The following TEX11 variants were observed in gnomAD, a reference collection of about 807,000 sequenced individuals.
TEX11 encodes testis-expressed protein 11.
Under a neutral mutation model 84.4 loss-of-function variants are expected in TEX11, and 7 were observed. That is an observed-to-expected ratio of 0.08 (90% CI 0.05 to 0.16). The LOEUF is 0.16. TEX11 is among the 10% of genes least tolerant of loss of function. The probability of loss-of-function intolerance (pLI) is 1.00; values close to 1 mark genes in which losing one functional copy is unlikely to be tolerated. For synonymous variants in TEX11, 264 were observed against 222.8 expected (o/e 1.18, Z -1.64); for missense variants, 551 against 660.5 (o/e 0.83, Z 1.82).
chrX:70,697,258 G>C (rs891598573), intron 13 of TEX11, among the ~76,000 whole-genome samples: 5 of 111,684 alleles, frequency 4.5e-5, no homozygotes, highest in African/African-American at 1.6e-4. Context: ...TACATATTCA[G>C]AATCAATTTT....
At chrX:70,522,805 A>G in the TEX11 span, among the ~76,000 whole-genome samples, 2 of 109,879 alleles carry the variant, frequency 1.8e-5, no homozygotes, top group African/African-American at 3.3e-5. Flanking sequence ...GGCCTCCCCA[A>G]GTGCTGGGAT....
At chrX:70,869,106 A>ATAAAGTAAAG (rs2091616930) in intron 4 of TEX11, among the ~76,000 whole-genome samples, 1 of 101,970 alleles carries the variant, frequency 9.8e-6, no homozygotes, top group African/African-American at 3.7e-5. Context: ...ATAAAATAAA[A>ATAAAGTAAAG]TAAAATAAAA....
intron 17 of TEX11, among the ~76,000 whole-genome samples, chrX:70,640,507 T>G (rs373115723): frequency 6.3e-5 from 7 of 110,486 alleles, no homozygotes; most frequent in East Asian, 5.7e-4. Context: ...AAATGTTAAG[T>G]GCAGCCAGAG....
At chrX:70,560,902 T>G (rs1402072390) in intron 25 of TEX11, among the ~76,000 whole-genome samples, 5 of 53,915 alleles carry the variant, frequency 9.3e-5, no homozygotes, top group Non-Finnish European at 1.8e-4. Context: ...GGTTTTTTTT[T>G]TTTTTTTTTT....
chrX:70,867,756 A>C (rs773510305), intron 4 of TEX11, among the ~76,000 whole-genome samples: 1 of 111,500 alleles, frequency 9.0e-6, no homozygotes, highest in Admixed American at 9.6e-5. Flanking sequence ...AACAAACTTG[A>C]CAAAAAAAAA....
intron 8 of TEX11, among the ~76,000 whole-genome samples, chrX:70,826,286 G>C (rs1404336100): frequency 9.3e-6 from 1 of 108,012 alleles, no homozygotes; most frequent in Non-Finnish European, 1.9e-5. Flanking sequence ...ACTCCAGCCT[G>C]GGCAACAAGA....
chrX:70,782,786 T>C (rs903621026), intron 9 of TEX11, among the ~76,000 whole-genome samples: 4 of 110,541 alleles, frequency 3.6e-5, no homozygotes, highest in African/African-American at 9.9e-5. Context: ...GCTAACTATC[T>C]TAAATATATA....
intron 9 of TEX11, among the ~76,000 whole-genome samples, chrX:70,765,606 CA>C (rs748480055): frequency 4.5e-5 from 5 of 111,338 alleles, no homozygotes; most frequent in African/African-American, 1.6e-4. Flanking sequence ...TATAAACCCT[CA>C]AAAAAACTGG....
chrX:70,777,259 A>G (rs1349446173), intron 9 of TEX11, among the ~76,000 whole-genome samples: 1 of 111,788 alleles, frequency 8.9e-6, no homozygotes, highest in Non-Finnish European at 1.9e-5. Flanking sequence ...AATACAAAAT[A>G]TGATGTAAAC....
In TEX11 at chrX:70,878,168, C is replaced by CTTTT. The variant is rs34459152; in HGVS notation, c.159+1816_159+1819dup. On this transcript the variant is annotated intron_variant, in intron 3 of 29. Transcript: ENST00000374333. ...GGAAAAACTGGATCCCTCTATCCCT[C>CTTTT]TTTTTTTTTTTTTTTTTTTTTTGAG... 6.9e-4 allele frequency among the ~76,000 whole-genome samples: 50 copies of CTTTT among 72,523 alleles called. 1 individual carries two copies. Among genetic ancestry groups the CTTTT allele is most frequent in the African/African-American group, 9.3e-4 (17 of 18,302 alleles). 63.0% of individuals were successfully genotyped at this position (72,523 alleles called of 115,157 possible). A position where few individuals can be genotyped will look rare whatever the true frequency, so the allele number is the denominator to read the frequency against.
intron 25 of TEX11, among the ~76,000 whole-genome samples, chrX:70,579,465 C>T (rs1421914746): frequency 9.4e-6 from 1 of 106,168 alleles, no homozygotes; most frequent in Non-Finnish European, 1.9e-5. Flanking sequence ...CCACTGCACT[C>T]CAGCCTGGGC....
At chrX:70,718,504 C>T (rs750594368) in intron 13 of TEX11, among the ~76,000 whole-genome samples, 5 of 112,020 alleles carry the variant, frequency 4.5e-5, no homozygotes, top group Admixed American at 9.5e-5. Flanking sequence ...TGAGCACTTT[C>T]GCGAGAAAGA....
chrX:70,811,605 T>A (rs1343839908), intron 8 of TEX11, among the ~76,000 whole-genome samples: 1 of 110,673 alleles, frequency 9.0e-6, no homozygotes, highest in Non-Finnish European at 1.9e-5. Context: ...CGCCACACTG[T>A]CTTCCACAAT....
chrX:70,673,832 G>T (rs1238970142), intron 15 of TEX11, among the ~76,000 whole-genome samples: 1 of 111,974 alleles, frequency 8.9e-6, no homozygotes, highest in Admixed American at 9.4e-5. Context: ...TATATAAAAA[G>T]TGTTGAAATT....
chrX:70,820,249 C>T (rs1462352290), intron 8 of TEX11, among the ~76,000 whole-genome samples: 1 of 111,343 alleles, frequency 9.0e-6, no homozygotes, highest in Non-Finnish European at 1.9e-5. Flanking sequence ...ATAGAAGAGC[C>T]AGAAATAAAT....
intron 9 of TEX11, among the ~76,000 whole-genome samples, chrX:70,792,428 T>C (rs2091129979): frequency 1.1e-5 from 1 of 87,197 alleles, no homozygotes; most frequent in Non-Finnish European, 2.2e-5. Context: ...ATGAAATGCC[T>C]GTATCAAGAA....
At chrX:70,576,169 C>T (rs898567469) in intron 25 of TEX11, among the ~76,000 whole-genome samples, 3 of 111,972 alleles carry the variant, frequency 2.7e-5, no homozygotes, top group African/African-American at 9.7e-5. Flanking sequence ...ATTCCCATAG[C>T]ACTAAAATTT....
chrX:70,810,755 C>A (rs2091247882), intron 8 of TEX11, among the ~76,000 whole-genome samples: 1 of 109,790 alleles, frequency 9.1e-6, no homozygotes, highest in Admixed American at 9.7e-5. Flanking sequence ...AACAAACCTG[C>A]ACATTCTGCA....
At chrX:70,817,171 A>C (rs752226701) in intron 8 of TEX11, among the ~76,000 whole-genome samples, 1 of 108,352 alleles carries the variant, frequency 9.2e-6, no homozygotes, top group South Asian at 4.0e-4. Context: ...GAAATGTATG[A>C]GTGTATATAA....
Sources: gnomAD v4.1 joint callset for allele counts (sites outside exome capture counted in the v4.1 genomes callset) on GRCh38, gnomAD v4.1.1 for gene constraint, MANE v1.5 for transcripts, NCBI Gene and HGNC (gene_info 2026-07-23, HGNC 2026-07-21) for gene names.